SDK1: variants seen among roughly 807,000 people sequenced by gnomAD.
SDK1 encodes protein sidekick-1.
Under a neutral mutation model 245.5 loss-of-function variants are expected in SDK1, and 157 were observed. The observed-to-expected ratio is 0.64, with a 90% CI of 0.56 to 0.73. The LOEUF is 0.73. Among genes scored for constraint, SDK1 ranks in the 30% least tolerant of loss-of-function variants. The pLI is 0.00. For synonymous variants in SDK1, 1,647 were observed against 1,278.5 expected (o/e 1.29, Z -6.15); for missense variants, 3,583 against 3,002.3 (o/e 1.19, Z -4.52).
At chr7:3,779,468 A>T (rs1263968283) in intron 4 of SDK1, among the ~76,000 whole-genome samples, 2 of 152,072 alleles carry the variant, frequency 1.3e-5, no homozygotes, top group Non-Finnish European at 1.5e-5. Context: ...TTAAAAAAAA[A>T]AAACAAGGAC....
chr7:3,736,112 C>A (rs1779312129), intron 4 of SDK1, among the ~76,000 whole-genome samples: 1 of 152,022 alleles, frequency 6.6e-6, no homozygotes, highest in Non-Finnish European at 1.5e-5. Flanking sequence ...ATATAATTTG[C>A]CAGTGTCTTT....
intron 1 of SDK1, among the ~76,000 whole-genome samples, chr7:3,489,705 A>G (rs887039902): frequency 2.0e-5 from 3 of 152,234 alleles, no homozygotes; most frequent in Non-Finnish European, 4.4e-5. Context: ...TGAAAAATAA[A>G]GTAGCTTTTC....
At chr7:3,614,105 A>C (rs1334602544) in intron 1 of SDK1, among the ~76,000 whole-genome samples, 1 of 152,142 alleles carries the variant, frequency 6.6e-6, no homozygotes, top group Non-Finnish European at 1.5e-5. Context: ...AAACCTGCAC[A>C]TCCTGCTGAA....
At chr7:4,105,716 A>AG in intron 22 of SDK1, among the ~76,000 whole-genome samples, 1 of 152,230 alleles carries the variant, frequency 6.6e-6, no homozygotes, top group Non-Finnish European at 1.5e-5. Flanking sequence ...GCAGCCTGGC[A>AG]GGGGCAGTGA....
At chr7:4,067,356 G>A (rs58608919) in intron 19 of SDK1, among the ~76,000 whole-genome samples, 33,871 of 152,080 alleles carry the variant, frequency 0.22, 5,066 homozygotes, top group African/African-American at 0.43. Flanking sequence ...TCAGGATACC[G>A]ATTGGGTTTG....
At chr7:3,494,459 G>A (rs1370235591) in intron 1 of SDK1, among the ~76,000 whole-genome samples, 1 of 152,174 alleles carries the variant, frequency 6.6e-6, no homozygotes, top group African/African-American at 2.4e-5. Flanking sequence ...TGGGAAGACA[G>A]TGTTAGAAAT....
Position 3,301,669 on chromosome 7 carries a change from C to G in SDK1, c.83C>G (p.Pro28Arg), listed in dbSNP as rs1420215943. The change falls in exon 1 of 45, where the codon CCG becomes CGG. Residue 28 changes from proline (P) to arginine (R), a missense_variant. By Grantham distance (103) the Pro-to-Arg change is moderately radical. Transcript: ENST00000404826. The stretch of plus-strand genomic sequence containing the variant: ...CCTGAGCGCGCGGGCCCCGGGCGGC[C>G]GCGGGGATCCCCGCCCGGCCGCGCC... ...EPPERAGPGR[P>R]RGSPPGRARP... The G allele has an allele frequency of 1.0e-6, 1 of 974,310 alleles. No individual in the cohort carries two copies. The highest frequency in any genetic ancestry group is 1.2e-6 in the Non-Finnish European group (1 of 824,392). The allele number at this position is 974,310 out of a possible 1,614,324, so 60.4% of individuals were successfully genotyped here.
chr7:3,432,120 A>ATAT (rs949216653), intron 1 of SDK1, among the ~76,000 whole-genome samples: 2 of 95,094 alleles, frequency 2.1e-5, no homozygotes, highest in Non-Finnish European at 4.7e-5. Flanking sequence ...AGTAAAAAAA[A>ATAT]AAAAATATAT....
chr7:3,382,488 C>G (rs953804481), intron 1 of SDK1, among the ~76,000 whole-genome samples: 1 of 152,160 alleles, frequency 6.6e-6, no homozygotes, highest in Non-Finnish European at 1.5e-5. Flanking sequence ...ACCTAATACA[C>G]TTCCTCACCT....
At chr7:3,375,728 C>T (rs986278150) in intron 1 of SDK1, among the ~76,000 whole-genome samples, 3 of 152,124 alleles carry the variant, frequency 2.0e-5, no homozygotes, top group African/African-American at 7.2e-5. Context: ...TGTGGGTGAG[C>T]CATCTGGGAA....
At chr7:3,597,918 G>A (rs911968926) in intron 1 of SDK1, among the ~76,000 whole-genome samples, 10 of 151,792 alleles carry the variant, frequency 6.6e-5, no homozygotes, top group African/African-American at 1.9e-4. Flanking sequence ...AATTACTCGT[G>A]TGGATGTATG....
chr7:3,695,891 A>T (rs1402465394), intron 4 of SDK1, among the ~76,000 whole-genome samples: 1 of 152,216 alleles, frequency 6.6e-6, no homozygotes, highest in African/African-American at 2.4e-5. Context: ...TGATGACACA[A>T]TCAAAGCTAA....
intron 1 of SDK1, among the ~76,000 whole-genome samples, chr7:3,556,142 A>G (rs984807399): frequency 2.0e-5 from 3 of 152,242 alleles, no homozygotes; most frequent in African/African-American, 7.2e-5. Flanking sequence ...ACTATTCACA[A>G]TAGCCAACAT....
At chr7:3,838,184 C>T (rs1780067987) in intron 5 of SDK1, among the ~76,000 whole-genome samples, 1 of 152,244 alleles carries the variant, frequency 6.6e-6, no homozygotes, top group African/African-American at 2.4e-5. Context: ...ATGGTTGGTA[C>T]ATAGCCTGCA....
intron 30 of SDK1, among the ~76,000 whole-genome samples, chr7:4,152,900 G>A (rs756008430): frequency 9.2e-5 from 14 of 152,196 alleles, no homozygotes; most frequent in African/African-American, 2.7e-4. Flanking sequence ...GGTCTGAGAC[G>A]TGTTCAGGTG....
intron 4 of SDK1, among the ~76,000 whole-genome samples, chr7:3,657,654 G>T (rs370360529): frequency 5.3e-5 from 8 of 152,194 alleles, no homozygotes; most frequent in African/African-American, 1.9e-4. Context: ...CTCTGAGGAG[G>T]TGTGGAAGGA....
intron 7 of SDK1, among the ~76,000 whole-genome samples, chr7:3,954,216 A>G (rs920275548): frequency 6.7e-6 from 1 of 149,078 alleles, no homozygotes; most frequent in Non-Finnish European, 1.5e-5. Flanking sequence ...AGTCCTGTGG[A>G]GCAGCCCCTC....
intron 13 of SDK1, among the ~76,000 whole-genome samples, chr7:3,977,566 C>T (rs935670158): frequency 6.6e-6 from 1 of 152,266 alleles, no homozygotes; most frequent in Non-Finnish European, 1.5e-5. Flanking sequence ...CGGTTGGGTG[C>T]TGTCATCCGT....
At chr7:4,057,247 C>T (rs1267261125) in intron 19 of SDK1, among the ~76,000 whole-genome samples, 2 of 152,198 alleles carry the variant, frequency 1.3e-5, no homozygotes, top group Admixed American at 1.3e-4. Flanking sequence ...GAGGACAGGC[C>T]TGCTTGGCTT....
Sources: gnomAD v4.1 joint callset for allele counts (sites outside exome capture counted in the v4.1 genomes callset) on GRCh38, gnomAD v4.1.1 for gene constraint, MANE v1.5 for transcripts, NCBI Gene and HGNC (gene_info 2026-07-23, HGNC 2026-07-21) for gene names.